The following DRC8 variants were observed in gnomAD, a reference collection of about 807,000 sequenced individuals.
DRC8 encodes dynein regulatory complex subunit 8.
the DRC8 span, among the ~76,000 whole-genome samples, chr1:245,078,760 T>C: frequency 6.6e-6 from 1 of 152,198 alleles, no homozygotes. Context: ...GTAACTATGG[T>C]TAATAATTAT....
At chr1:245,003,429 G>A in the DRC8 span, among the ~76,000 whole-genome samples, 1 of 152,230 alleles carries the variant, frequency 6.6e-6, no homozygotes, top group Admixed American at 6.5e-5. Context: ...TGGGCACAGA[G>A]AGGTTAAGTA....
chr1:245,011,116 A>G, the DRC8 span, among the ~76,000 whole-genome samples: 2 of 152,172 alleles, frequency 1.3e-5, no homozygotes, highest in African/African-American at 2.4e-5. Context: ...AAACTCATTT[A>G]TGTTTCATAT....
At chr1:245,031,479 G>T in the DRC8 span, among the ~76,000 whole-genome samples, 1 of 152,010 alleles carries the variant, frequency 6.6e-6, no homozygotes, top group East Asian at 1.9e-4. Context: ...GATATATACA[G>T]TATAGTGACA....
At chr1:245,005,897 A>T in the DRC8 span, among the ~76,000 whole-genome samples, 2 of 152,114 alleles carry the variant, frequency 1.3e-5, no homozygotes, top group African/African-American at 4.8e-5. Flanking sequence ...GGAGAGCAAT[A>T]TTCCAGGCAG....
the DRC8 span, among the ~76,000 whole-genome samples, chr1:245,016,502 G>A: frequency 2.0e-5 from 3 of 152,016 alleles, no homozygotes; most frequent in Non-Finnish European, 2.9e-5. Context: ...AGCACTCCTC[G>A]TGTCCCTACC....
chr1:244,991,480 C>T, the DRC8 span, among the ~76,000 whole-genome samples: 1 of 151,978 alleles, frequency 6.6e-6, no homozygotes, highest in Non-Finnish European at 1.5e-5. Context: ...AGGGTGGGGT[C>T]AGGTTTGGGG....
At chr1:245,021,678 C>T in the DRC8 span, among the ~76,000 whole-genome samples, 3 of 152,084 alleles carry the variant, frequency 2.0e-5, no homozygotes, top group South Asian at 4.1e-4. Context: ...TCAAGTCATC[C>T]GCCTGCCTCA....
the DRC8 span, chr1:244,969,853 C>T: frequency 9.6e-6 from 4 of 416,702 alleles, no homozygotes; most frequent in Non-Finnish European, 1.3e-5. Context: ...CTGCAGCAGC[C>T]GGGCCGCTTC....
At chr1:245,100,693 A>G in the DRC8 span, among the ~76,000 whole-genome samples, 1 of 151,878 alleles carries the variant, frequency 6.6e-6, no homozygotes, top group East Asian at 1.9e-4. Flanking sequence ...AGTCAGGAGG[A>G]TCACCTGATC....
the DRC8 span, among the ~76,000 whole-genome samples, chr1:244,979,073 T>C: frequency 6.6e-6 from 1 of 152,082 alleles, no homozygotes; most frequent in African/African-American, 2.4e-5. Flanking sequence ...TTATAGCCCC[T>C]TTTTATTCCC....
the DRC8 span, among the ~76,000 whole-genome samples, chr1:245,029,953 G>A: frequency 6.6e-6 from 1 of 152,196 alleles, no homozygotes. Context: ...GATTTCAAAA[G>A]TGGGGAGCCA....
chr1:245,059,692 C>G, the DRC8 span, among the ~76,000 whole-genome samples: 1 of 152,090 alleles, frequency 6.6e-6, no homozygotes, highest in South Asian at 2.1e-4. Context: ...ATAAAGAACC[C>G]ACTGTAGAAA....
At chr1:245,107,019 G>A in the DRC8 span, among the ~76,000 whole-genome samples, 1 of 152,198 alleles carries the variant, frequency 6.6e-6, no homozygotes, top group Admixed American at 6.5e-5. Flanking sequence ...ACTCCAGCCT[G>A]GGTGACAAGA....
At chr1:244,976,991 T>C in the DRC8 span, among the ~76,000 whole-genome samples, 6 of 152,222 alleles carry the variant, frequency 3.9e-5, no homozygotes, top group African/African-American at 1.4e-4. Context: ...ATGCTACCGC[T>C]TGAATGAACC....
the DRC8 span, among the ~76,000 whole-genome samples, chr1:245,045,986 A>C: frequency 6.6e-6 from 1 of 152,162 alleles, no homozygotes. Context: ...AGTTCTAGGA[A>C]GTCAGTGTGA....
At chr1:245,082,339 TATC>T in the DRC8 span, among the ~76,000 whole-genome samples, 1 of 152,212 alleles carries the variant, frequency 6.6e-6, no homozygotes, top group Non-Finnish European at 1.5e-5. Context: ...TGCTTAGAAA[TATC>T]AACCACACTA....
the DRC8 span, among the ~76,000 whole-genome samples, chr1:245,039,300 CAAAAAAAAAAAAAAAAAAAA>C: frequency 7.3e-5 from 2 of 27,436 alleles, no homozygotes; most frequent in Non-Finnish European, 5.9e-5. Context: ...CTTGTCTCTA[CAAAAAAAAAAAAAAAAAAAA>C]AAAAAAAAAA....
At chr1:245,067,298 CA>C in the DRC8 span, among the ~76,000 whole-genome samples, 1 of 151,966 alleles carries the variant, frequency 6.6e-6, no homozygotes, top group Non-Finnish European at 1.5e-5. Flanking sequence ...ACGCCTGGCC[CA>C]ATACATGCAT....
the DRC8 span, among the ~76,000 whole-genome samples, chr1:245,046,176 A>G: frequency 6.6e-6 from 1 of 152,090 alleles, no homozygotes; most frequent in Non-Finnish European, 1.5e-5. Flanking sequence ...TTCATTTTCT[A>G]GTTCCTGTCT....
Sources: allele counts gnomAD v4.1 joint callset (sites outside exome capture counted in the v4.1 genomes callset), GRCh38; gene constraint gnomAD v4.1.1; transcripts MANE v1.5; gene names NCBI Gene and HGNC (gene_info 2026-07-23, HGNC 2026-07-21).